Variants in TRHDE observed in about 807,000 individuals in gnomAD.
TRHDE encodes thyrotropin-releasing hormone-degrading ectoenzyme.
A neutral mutation model predicts 125.7 loss-of-function variants in TRHDE; 72 were observed. The ratio of observed to expected loss-of-function variants is 0.57; its 90% CI spans 0.47 to 0.70. TRHDE has a LOEUF of 0.70. TRHDE is among the 30% of genes least tolerant of loss of function. The pLI, the probability that TRHDE is intolerant of heterozygous loss-of-function variation, is 0.00. For missense variants in TRHDE, 1,110 were observed against 1,327.1 expected (o/e 0.84, Z 2.54); for synonymous variants, 509 against 509.1 (o/e 1.00, Z 0.00).
chr12:72,526,551 A>G (rs1868341940), intron 6 of TRHDE, among the ~76,000 whole-genome samples: 1 of 152,152 alleles, frequency 6.6e-6, no homozygotes, highest in South Asian at 2.1e-4. Context: ...ATATGCAAAG[A>G]TATTTTCTCA....
chr12:72,091,779 T>C (rs564531655), intron 1 of TRHDE, among the ~76,000 whole-genome samples: 9 of 152,262 alleles, frequency 5.9e-5, no homozygotes, highest in Non-Finnish European at 1.2e-4. Flanking sequence ...GGCACAAGTG[T>C]TTCTTGTGAC....
At chr12:72,387,017 G>T (rs1439978217) in intron 3 of TRHDE, among the ~76,000 whole-genome samples, 2 of 152,068 alleles carry the variant, frequency 1.3e-5, no homozygotes, top group Non-Finnish European at 2.9e-5. Context: ...ATTGGTAGTG[G>T]CCTCCCTTGG....
chr12:72,101,288 G>C (rs192195492), intron 1 of TRHDE, among the ~76,000 whole-genome samples: 2 of 152,166 alleles, frequency 1.3e-5, no homozygotes, highest in Non-Finnish European at 2.9e-5. Context: ...TCGTCTGCTC[G>C]AAATATAGGT....
intron 12 of TRHDE, among the ~76,000 whole-genome samples, chr12:72,581,658 C>T (rs1871232678): frequency 6.6e-6 from 1 of 152,082 alleles, no homozygotes; most frequent in South Asian, 2.1e-4. Context: ...TTAAAAAATC[C>T]AGTCGTTTAC....
intron 2 of TRHDE, among the ~76,000 whole-genome samples, chr12:72,125,416 G>A (rs927391241): frequency 6.6e-6 from 1 of 152,064 alleles, no homozygotes; most frequent in Non-Finnish European, 1.5e-5. Context: ...GACCTCAGGT[G>A]CCCATGATAG....
At chr12:72,187,786 T>G (rs780240127) in intron 2 of TRHDE, among the ~76,000 whole-genome samples, 1 of 152,158 alleles carries the variant, frequency 6.6e-6, no homozygotes, top group Non-Finnish European at 1.5e-5. Context: ...AAACATCACA[T>G]CCAACTTCTG....
At chr12:72,316,366 G>A (rs901735108) in intron 2 of TRHDE, among the ~76,000 whole-genome samples, 5 of 152,116 alleles carry the variant, frequency 3.3e-5, no homozygotes, top group Admixed American at 6.5e-5. Flanking sequence ...AAGCAACATA[G>A]GGTATAGCTA....
intron 2 of TRHDE, among the ~76,000 whole-genome samples, chr12:72,107,231 A>G (rs1466047318): frequency 1.3e-5 from 2 of 152,120 alleles, no homozygotes; most frequent in Non-Finnish European, 2.9e-5. Flanking sequence ...TCCCTCAAAA[A>G]TATGAAGGTC....
rs150581078 is a variant in TRHDE at position 72,158,596 on chromosome 12, C to A, written n.279+52844C>A. ...TTATTCAGTCTTATTTCTGGTATTA[C>A]TTTTTAAATACAGTCATAAATTTGT... On this transcript the variant is annotated intron_variant and non_coding_transcript_variant, in intron 2 of 4. Transcript: ENST00000548156. 8.9e-4 allele frequency among the ~76,000 whole-genome samples: 136 copies of A among 152,094 alleles called. 5 individuals are homozygous for A. The East Asian group carries it at 0.025, about 28-fold the overall frequency.
At chr12:72,639,466 C>T (rs545923128) in intron 15 of TRHDE, among the ~76,000 whole-genome samples, 50 of 152,262 alleles carry the variant, frequency 3.3e-4, no homozygotes, top group African/African-American at 8.7e-4. Context: ...TCCCGTAGCT[C>T]GGAGTAATTT....
intron 6 of TRHDE, among the ~76,000 whole-genome samples, chr12:72,529,476 T>C (rs911823523): frequency 6.6e-6 from 1 of 152,184 alleles, no homozygotes; most frequent in South Asian, 2.1e-4. Context: ...ATAACTCTTA[T>C]TCATATTTTA....
chr12:72,618,190 T>C (rs1872898567), intron 12 of TRHDE, among the ~76,000 whole-genome samples: 1 of 152,136 alleles, frequency 6.6e-6, no homozygotes, highest in South Asian at 2.1e-4. Context: ...ATAGACAATA[T>C]GTGTTAAGAT....
At chr12:72,246,375 A>G (rs1878576649) in intron 2 of TRHDE, among the ~76,000 whole-genome samples, 1 of 152,182 alleles carries the variant, frequency 6.6e-6, no homozygotes, top group African/African-American at 2.4e-5. Context: ...TTTGAGTTTC[A>G]GTAACACTGA....
chr12:72,253,716 AT>A (rs1417189584), intron 2 of TRHDE: 11 of 152,296 alleles, frequency 7.2e-5, no homozygotes, highest in South Asian at 2.1e-4. Flanking sequence ...AGTAATTCCT[AT>A]CCCTAACTTG....
At chr12:72,123,769 G>A (rs368635150) in intron 2 of TRHDE, among the ~76,000 whole-genome samples, 46 of 152,046 alleles carry the variant, frequency 3.0e-4, no homozygotes, top group African/African-American at 7.2e-4. Flanking sequence ...TGAAACTGCC[G>A]TCACAATCAA....
chr12:72,646,379 A>C (rs904391375), intron 15 of TRHDE, among the ~76,000 whole-genome samples: 8 of 152,192 alleles, frequency 5.3e-5, no homozygotes, highest in African/African-American at 1.9e-4. Flanking sequence ...ACAGCATATC[A>C]ATATAAAAAC....
At chr12:72,353,783 C>A (rs930346885) in intron 2 of TRHDE, among the ~76,000 whole-genome samples, 1 of 151,594 alleles carries the variant, frequency 6.6e-6, no homozygotes, top group Non-Finnish European at 1.5e-5. Context: ...CTGATACTTA[C>A]AAATGCTGGG....
chr12:72,133,937 G>C (rs1875922903), intron 2 of TRHDE, among the ~76,000 whole-genome samples: 2 of 152,152 alleles, frequency 1.3e-5, no homozygotes. Flanking sequence ...TGACTGCAAG[G>C]GGAGCAAACT....
intron 7 of TRHDE, among the ~76,000 whole-genome samples, chr12:72,544,504 G>A (rs554768983): frequency 1.3e-5 from 2 of 151,518 alleles, no homozygotes; most frequent in East Asian, 3.9e-4. Context: ...ATTGCAGATA[G>A]TGTGTTTTTC....
Sources: gnomAD v4.1 joint callset for allele counts (sites outside exome capture counted in the v4.1 genomes callset) on GRCh38, gnomAD v4.1.1 for gene constraint, MANE v1.5 for transcripts, NCBI Gene and HGNC (gene_info 2026-07-23, HGNC 2026-07-21) for gene names.